The following PPAT variants were observed in gnomAD, a reference collection of about 807,000 sequenced individuals.
PPAT encodes phosphoribosyl pyrophosphate amidotransferase, also known as amidophosphoribosyltransferase.
In PPAT, 20 loss-of-function variants were observed where a neutral mutation model predicts 60.2. The ratio of observed to expected loss-of-function variants is 0.33; its 90% CI spans 0.23 to 0.48. PPAT has a LOEUF of 0.48. PPAT is among the 20% of genes least tolerant of loss of function. PPAT has a pLI of 0.99. For missense variants in PPAT, 349 were observed against 629.6 expected, an observed-to-expected ratio of 0.55 and a Z score of 4.77; for synonymous variants, 194 against 215.1, an observed-to-expected ratio of 0.90 and a Z score of 0.86.
chr4:56,404,164 G>A (rs940792072), intron 3 of PPAT: 8 of 321,884 alleles, frequency 2.5e-5, no homozygotes, highest in African/African-American at 1.3e-4. Flanking sequence ...GAGATGTACA[G>A]AAAAGCTTTT....
At chr4:56,404,121 A>C (rs1168186756) in intron 3 of PPAT, 1 of 372,390 alleles carries the variant, frequency 2.7e-6, no homozygotes, top group South Asian at 2.0e-5. Flanking sequence ...TAGGAAATCT[A>C]GAAGATTTTC....
At position 56,394,892 on chromosome 4, in the gene PPAT, TAGAC is replaced by T. The variant is rs1715927732; in HGVS notation, c.*456_*459del. 1 of 151,750 alleles carries T rather than the reference TAGAC, an allele frequency of 6.6e-6. No individual in the cohort carries two copies. Among genetic ancestry groups the T allele is most frequent in the Non-Finnish European group, 1.5e-5 (1 of 68,080 alleles). 9.4% of individuals were successfully genotyped at this position (151,750 alleles called of 1,614,324 possible). On this transcript the variant is annotated 3_prime_UTR_variant, in exon 11 of 11. Coordinates refer to ENST00000264220, the MANE Select transcript of PPAT (RefSeq NM_002703.5). ...TTTTTTTTAAAGATTTGTCTACAGT[TAGAC>T]AGGGAAGCCAAGGTCATAACTACAG...
At chr4:56,410,623 TA>T in intron 1 of PPAT, 1 of 986,268 alleles carries the variant, frequency 1.0e-6, no homozygotes, top group Non-Finnish European at 1.2e-6. Context: ...CACTAAGAAA[TA>T]AAGGAATATT....
chr4:56,407,672 A>G lies in PPAT; in HGVS notation c.173T>C (p.Val58Ala). 4 of 1,605,670 alleles carry G rather than the reference A, an allele frequency of 2.5e-6. No homozygotes were observed. The highest frequency in any genetic ancestry group is 3.4e-6 in the Non-Finnish European group (4 of 1,172,130). Residue 58 changes from valine to alanine, a missense_variant, in exon 2 of 11, where the codon GTG becomes GCG. Physicochemically the swap from Val to Ala is moderately conservative, Grantham distance 64. Coordinates refer to ENST00000264220, the MANE Select transcript of PPAT (RefSeq NM_002703.5). ...AGIVTSDGSS[V>A]PTFKSHKGMG... ...TACCTTGTGTGATTTGAATGTTGGC[A>G]CCGAACTCCCATCACTAGTCACAAT...
At chr4:56,433,397 TA>T (rs34598008) in intron 1 of PPAT, among the ~76,000 whole-genome samples, 54,042 of 117,928 alleles carry the variant, frequency 0.46, 10,314 homozygotes, top group South Asian at 0.52. Context: ...TGGTATTCAT[TA>T]AAAAAAAAAA....
chr4:56,418,524 T>TGGGA (rs1716885919), intron 1 of PPAT, among the ~76,000 whole-genome samples: 1 of 152,054 alleles, frequency 6.6e-6, no homozygotes, highest in Non-Finnish European at 1.5e-5. Flanking sequence ...TTTGCCCTGT[T>TGGGA]GGGAGGCTGG....
At chr4:56,426,153 A>G (rs916770657) in intron 1 of PPAT, among the ~76,000 whole-genome samples, 2 of 152,208 alleles carry the variant, frequency 1.3e-5, no homozygotes, top group African/African-American at 2.4e-5. Context: ...CTGTAATCCC[A>G]ACACTGTGGG....
rs1259018928 is a variant in PPAT at position 56,416,385 on chromosome 4, A to T, written c.129-8669T>A. The stretch of plus-strand genomic sequence containing the variant: ...TCAATTGCATCAGTAGATAAGGAAG[A>T]TGTCTCAGGAAATCCTTTACTTCTG... On this transcript the variant is annotated intron_variant, in intron 1 of 10. Coordinates refer to ENST00000264220, the MANE Select transcript of PPAT (RefSeq NM_002703.5). 4 of 906,508 alleles carry T rather than the reference A, an allele frequency of 4.4e-6. No individual in the cohort carries two copies. The African/African-American group carries it at 7.2e-5, about 16-fold the overall frequency. 56.2% of individuals were successfully genotyped at this position (906,508 alleles called of 1,614,324 possible).
intron 1 of PPAT, chr4:56,416,497 T>C (rs548176281): frequency 2.0e-5 from 4 of 198,116 alleles, no homozygotes; most frequent in Middle Eastern, 2.6e-3. Flanking sequence ...GAAAGACTGG[T>C]TCCTAATCTG....
chr4:56,433,512 C>T (rs1277084478), intron 1 of PPAT, among the ~76,000 whole-genome samples: 2 of 148,764 alleles, frequency 1.3e-5, no homozygotes, highest in Non-Finnish European at 3.0e-5. Context: ...AAAAAAAAGC[C>T]TCTTTTTCTT....
Position 56,435,551 on chromosome 4 carries a change from C to T in PPAT, c.-74G>A. 6.2e-7 allele frequency: 1 copy of T among 1,606,746 alleles called. No homozygotes were observed. The highest frequency in any genetic ancestry group is 8.5e-7 in the Non-Finnish European group (1 of 1,176,406). On this transcript the variant is annotated 5_prime_UTR_variant, in exon 1 of 11. Transcript: ENST00000264220. ...AAGCACCAACCAGCTGCCAGCTCGG[C>T]CCGTCGAGCTCAGAAGCTCGCGCTC...
chr4:56,432,420 C>G (rs6811652), intron 1 of PPAT, among the ~76,000 whole-genome samples: 2 of 150,116 alleles, frequency 1.3e-5, no homozygotes, highest in Non-Finnish European at 3.0e-5. Context: ...CCCAGCTACT[C>G]GGGAGACAGG....
At position 56,406,606 on chromosome 4, in the gene PPAT, T is replaced by C; in HGVS notation, c.291A>G (p.Thr97=). 1 of 1,613,454 alleles carries C rather than the reference T, an allele frequency of 6.2e-7. No homozygotes were observed. The highest frequency in any genetic ancestry group is 8.5e-7 in the Non-Finnish European group (1 of 1,179,404). The change falls in exon 3 of 11, where the codon ACA becomes ACG. Residue 97 remains threonine, a synonymous_variant. Transcript: ENST00000264220. ...GACAATTTTCTAGTTCACATTTTCC[T>C]GTGGTGGCATACCTGGTGTGTCCAA... is the stretch of plus-strand genomic sequence containing the variant. ...LGIGHTRYAT[T]GKCELENCQP...
At chr4:56,427,917 G>T (rs1024656777) in intron 1 of PPAT, among the ~76,000 whole-genome samples, 5 of 152,156 alleles carry the variant, frequency 3.3e-5, no homozygotes, top group African/African-American at 1.2e-4. Flanking sequence ...AGTTGGTAGA[G>T]AATACAGTAG....
chr4:56,401,019 G>T (rs913919318), intron 7 of PPAT, 108 bp from the exon 8 acceptor site: 3 of 1,141,060 alleles, frequency 2.6e-6, no homozygotes, highest in African/African-American at 3.2e-5. Flanking sequence ...AAAAAGAAAT[G>T]CAATATATAC....
At chr4:56,422,489 G>A (rs1307796005) in intron 1 of PPAT, 6 of 52,664 alleles carry the variant, frequency 1.1e-4, no homozygotes, top group Admixed American at 4.1e-4. Flanking sequence ...GTACGTGTGT[G>A]TGTGTGTGTG....
In PPAT at chr4:56,395,151, G is replaced by A. The variant is rs894393155; in HGVS notation, c.*201C>T. 26 of 501,088 alleles carry A rather than the reference G, an allele frequency of 5.2e-5. No individual in the cohort carries two copies. The highest frequency in any genetic ancestry group is 5.2e-4 in the African/African-American group (25 of 48,356). The allele number at this position is 501,088 out of a possible 1,614,324, so 31.0% of individuals were successfully genotyped here. On this transcript the variant is annotated 3_prime_UTR_variant, in exon 11 of 11. Transcript: ENST00000264220. ...TGTAAAAAAAAGAACACCACATATT[G>A]TTGTATTATATGCAATTGGAAATGT... is the stretch of plus-strand genomic sequence containing the variant.
chr4:56,401,390 G>A lies in PPAT; in HGVS notation c.826C>T (p.Pro276Ser), dbSNP rs1355667736. Residue 276 changes from proline (P) to serine (S), a missense_variant, in exon 7 of 11, where the codon CCA (proline) becomes TCA (serine). Pro to Ser is a moderately conservative substitution (Grantham distance 74). Around this residue, in one of 5 missense-constraint regions of PPAT, gnomAD observed 167 missense variants for 328.6 expected, o/e 0.51. Transcript: ENST00000264220. Reference protein sequence around the residue: ...LDIISRSEGNPVAFCIFEYVY... With the variant: ...LDIISRSEGNSVAFCIFEYVY... ...TATTCAAAGATACAAAAAGCCACTGGGTTTCCTTCAGACCTTGATATAATA... is the reference window on the plus strand; with the variant it reads ...TATTCAAAGATACAAAAAGCCACTGAGTTTCCTTCAGACCTTGATATAATA... The A allele has an allele frequency of 3.1e-6, 5 of 1,607,914 alleles. No individual in the cohort carries two copies. The highest frequency in any genetic ancestry group is 1.3e-5 in the African/African-American group (1 of 74,636).
In PPAT at chr4:56,429,312, T is replaced by C. The variant is rs1717456025; in HGVS notation, c.128+6038A>G. On this transcript the variant is annotated intron_variant, in intron 1 of 10. Transcript: ENST00000264220. ...TTGGTTATCATGGTCCTTTAAATTG[T>C]ACTTTACAGTGATTGTTGCAATTAT... 2.0e-5 allele frequency among the ~76,000 whole-genome samples: 3 copies of C among 152,208 alleles called. No individual in the cohort carries two copies. The South Asian group carries it at 6.2e-4, about 31-fold the overall frequency.
Sources: gnomAD v4.1 joint callset for allele counts (sites outside exome capture counted in the v4.1 genomes callset) on GRCh38, gnomAD v4.1.1 for gene constraint, gnomAD v4.1.1 regional missense constraint, MANE v1.5 for transcripts, NCBI Gene and HGNC (gene_info 2026-07-23, HGNC 2026-07-21) for gene names.